GALM: variants seen among roughly 807,000 people sequenced by gnomAD.
GALM encodes galactose mutarotase.
Under a neutral mutation model 37.4 loss-of-function variants are expected in GALM, and 43 were observed. The observed-to-expected ratio is 1.15, with a 90% CI of 0.90 to 1.48. The LOEUF is 1.48. Among genes scored for constraint, GALM ranks in the 40% most tolerant of loss-of-function variants. The probability of loss-of-function intolerance (pLI) is 0.00; values close to 1 mark genes in which losing one functional copy is unlikely to be tolerated. For synonymous variants in GALM, 199 were observed against 170.6 expected, an observed-to-expected ratio of 1.17 and a Z score of -1.30; for missense variants, 456 against 419.1, an observed-to-expected ratio of 1.09 and a Z score of -0.77.
At chr2:38,676,131 G>T (rs1665254549) in intron 2 of GALM, 65 bp downstream of exon 2, 1 of 1,534,504 alleles carries the variant, frequency 6.5e-7, no homozygotes, top group African/African-American at 1.4e-5. Flanking sequence ...CTGCTTGCCA[G>T]GCACAGTCAT....
chr2:38,709,676 G>T (rs1326963387), intron 4 of GALM, among the ~76,000 whole-genome samples: 1 of 152,136 alleles, frequency 6.6e-6, no homozygotes, highest in Non-Finnish European at 1.5e-5. Context: ...TGTGATCTGT[G>T]AAAAATGTAT....
chr2:38,711,812 T>TCATCATACCACCAC (rs1553383740), intron 4 of GALM, among the ~76,000 whole-genome samples: 1 of 84,900 alleles, frequency 1.2e-5, no homozygotes, highest in Non-Finnish European at 2.9e-5. Context: ...ATCACCATCA[T>TCATCATACCACCAC]CATCATCACT....
At chr2:38,729,920 C>T (rs551951439) in intron 5 of GALM, among the ~76,000 whole-genome samples, 7 of 152,244 alleles carry the variant, frequency 4.6e-5, no homozygotes, top group East Asian at 1.9e-4. Context: ...GCTTGGCACC[C>T]GCTCTCTCCC....
chr2:38,686,391 G>A (rs1037814416), intron 3 of GALM, among the ~76,000 whole-genome samples: 3 of 151,562 alleles, frequency 2.0e-5, no homozygotes, highest in Middle Eastern at 3.4e-3. Context: ...TCAGCCTCCC[G>A]AGTAGCTGGG....
At chr2:38,699,071 GC>G (rs1665866172) in intron 4 of GALM, among the ~76,000 whole-genome samples, 1 of 151,864 alleles carries the variant, frequency 6.6e-6, no homozygotes, top group South Asian at 2.1e-4. Context: ...CCACCACCAT[GC>G]CCAGCTAATT....
At chr2:38,682,358 A>T (rs1206760137) in intron 3 of GALM, 2 of 373,814 alleles carry the variant, frequency 5.4e-6, no homozygotes, top group East Asian at 1.5e-4. Flanking sequence ...ATTGTCTACT[A>T]TACTTGACTC....
At chr2:38,668,887 C>A (rs866998054) in intron 1 of GALM, 1 of 151,954 alleles carries the variant, frequency 6.6e-6, no homozygotes, top group Admixed American at 6.6e-5. Flanking sequence ...TTGAGCCATG[C>A]GGAAGATCTG....
intron 4 of GALM, among the ~76,000 whole-genome samples, chr2:38,691,260 A>C (rs1349736078): frequency 6.6e-6 from 1 of 152,240 alleles, no homozygotes; most frequent in African/African-American, 2.4e-5. Context: ...TGATCAGATG[A>C]AAATCACAAC....
chr2:38,705,512 A>G (rs1359882812), intron 4 of GALM, among the ~76,000 whole-genome samples: 1 of 152,182 alleles, frequency 6.6e-6, no homozygotes, highest in Non-Finnish European at 1.5e-5. Flanking sequence ...CCAGGGTAGA[A>G]AGAGGATTCT....
chr2:38,671,083 AG>A (rs201189512), intron 1 of GALM, among the ~76,000 whole-genome samples: 6 of 141,216 alleles, frequency 4.2e-5, no homozygotes, highest in Non-Finnish European at 6.1e-5. Context: ...TGCCCAGGAA[AG>A]GGGGAAGCGT....
chr2:38,707,740 G>C (rs1489317292), intron 4 of GALM, among the ~76,000 whole-genome samples: 1 of 152,112 alleles, frequency 6.6e-6, no homozygotes, highest in Non-Finnish European at 1.5e-5. Flanking sequence ...CAGTCCTTTG[G>C]GTAGCTGAGT....
chr2:38,702,881 T>G (rs1365450270), intron 4 of GALM, among the ~76,000 whole-genome samples: 1 of 146,660 alleles, frequency 6.8e-6, no homozygotes, highest in Non-Finnish European at 1.5e-5. Flanking sequence ...CCTTTACATT[T>G]GTTTTAAACA....
At chr2:38,683,316 A>C (rs1360374772) in intron 3 of GALM, among the ~76,000 whole-genome samples, 1 of 152,154 alleles carries the variant, frequency 6.6e-6, no homozygotes, top group Non-Finnish European at 1.5e-5. Context: ...CATAGACCCC[A>C]CCCAAAAGCG....
intron 1 of GALM, among the ~76,000 whole-genome samples, chr2:38,674,867 A>G (rs967750306): frequency 6.6e-6 from 1 of 152,126 alleles, no homozygotes; most frequent in Admixed American, 6.6e-5. Flanking sequence ...CATACAGTAC[A>G]ATAAGATGTT....
rs1484256764 is a variant in GALM at position 38,729,655 on chromosome 2, A to G, written c.734A>G (p.Asn245Ser). ...QDFHLNGFDH[N>S]FCLKGSKEKH... ...TTCCATCTCAATGGTTTTGACCACA[A>G]TTTCTGTCTGAAGGGATCTAAAGAA... Residue 245 changes from asparagine (N) to serine (S), a missense_variant, in exon 5 of 7, where the codon AAT becomes AGT. By Grantham distance (46) the Asn-to-Ser change is conservative. Coordinates refer to ENST00000272252, the MANE Select transcript of GALM (RefSeq NM_138801.3). 4.3e-6 allele frequency: 7 copies of G among 1,613,596 alleles called. No individual in the cohort carries two copies. Among genetic ancestry groups the G allele is most frequent in the East Asian group, 2.2e-5 (1 of 44,850 alleles).
intron 4 of GALM, among the ~76,000 whole-genome samples, chr2:38,710,461 C>T (rs74580688): frequency 1.3e-5 from 2 of 152,312 alleles, no homozygotes; most frequent in Admixed American, 1.3e-4. Context: ...CTCACCTGGC[C>T]TACTTCTGGG....
chr2:38,692,976 G>C (rs909364092), intron 4 of GALM, among the ~76,000 whole-genome samples: 14 of 152,178 alleles, frequency 9.2e-5, no homozygotes, highest in African/African-American at 3.4e-4. Context: ...GATGGGCCTG[G>C]AGAGGTTGAT....
At chr2:38,732,000 T>C (rs1666619025) in intron 6 of GALM, 91 bp downstream of exon 6, 6 of 1,063,684 alleles carry the variant, frequency 5.6e-6, no homozygotes, top group Non-Finnish European at 8.3e-6. Context: ...GCTTGTATGA[T>C]TCAAAAGTTC....
At chr2:38,719,550 G>T (rs1572540307) in intron 4 of GALM, among the ~76,000 whole-genome samples, 2 of 151,334 alleles carry the variant, frequency 1.3e-5, no homozygotes. Context: ...TGAAGTGGGC[G>T]GATCACTTGA....
Sources: allele counts gnomAD v4.1 joint callset (sites outside exome capture counted in the v4.1 genomes callset), GRCh38; gene constraint gnomAD v4.1.1; transcripts MANE v1.5; gene names NCBI Gene and HGNC (gene_info 2026-07-23, HGNC 2026-07-21).